Variants in NOX4 observed in about 807,000 individuals in gnomAD.
NOX4 encodes kidney oxidase-1.
Under a neutral mutation model 87.6 loss-of-function variants are expected in NOX4, and 69 were observed. The observed-to-expected ratio is 0.79, with a 90% CI of 0.65 to 0.96. The LOEUF is 0.96. NOX4 is among the 40% of genes least tolerant of loss of function. NOX4 has a pLI of 0.00. For missense variants in NOX4, 680 were observed against 681.5 expected (o/e 1.00, Z 0.02); for synonymous variants, 275 against 238.2 (o/e 1.15, Z -1.42).
rs930081349 is a variant in NOX4 at position 89,335,920 on chromosome 11, G to C, written c.1541C>G (p.Ala514Gly). Residue 514 changes from alanine to glycine, a missense_variant, in exon 17 of 18, where the codon GCA (alanine) becomes GGA (glycine). Ala to Gly is a moderately conservative substitution (Grantham distance 60). Coordinates refer to ENST00000263317, the MANE Select transcript of NOX4 (RefSeq NM_016931.5). ...TCCTATAAACAGTCTTGAATTCAGT[G>C]CATGATATTTTTCTCCAATTATCTT... ...IQKIIGEKYH[A>G]LNSRLFIGRP... 4 of 1,596,018 alleles carry C rather than the reference G, an allele frequency of 2.5e-6. No individual in the cohort carries two copies. The African/African-American group carries it at 5.4e-5, about 22-fold the overall frequency.
chr11:89,340,021 T>G, intron 15 of NOX4, 42 bp downstream of exon 15: 1 of 1,039,642 alleles, frequency 9.6e-7, no homozygotes, highest in South Asian at 1.7e-5. Flanking sequence ...ATAACATTTT[T>G]AATTTGAAAA....
At chr11:89,471,581 G>T (rs576721062) in intron 2 of NOX4, among the ~76,000 whole-genome samples, 3 of 152,178 alleles carry the variant, frequency 2.0e-5, no homozygotes, top group African/African-American at 7.2e-5. Context: ...ATATCACTAG[G>T]TTCATATCAT....
At chr11:89,457,124 C>A (rs77902488) in intron 2 of NOX4, among the ~76,000 whole-genome samples, 3,492 of 152,266 alleles carry the variant, frequency 0.023, 138 homozygotes, top group African/African-American at 0.08. Flanking sequence ...CACTAGCCAA[C>A]CTGCAGCCTT....
chr11:89,373,486 T>C lies in NOX4; in HGVS notation c.1081A>G (p.Thr361Ala), dbSNP rs528433051. 1.1e-5 allele frequency: 18 copies of C among 1,584,198 alleles called. No homozygotes were observed. Among genetic ancestry groups the C allele is most frequent in the South Asian group, 5.6e-5 (5 of 89,962 alleles). The change falls in exon 12 of 18, where the codon ACT becomes GCT. Residue 361 changes from threonine (T) to alanine (A), a missense_variant. By Grantham distance (58) the Thr-to-Ala change is moderately conservative. Coordinates refer to ENST00000263317, the MANE Select transcript of NOX4 (RefSeq NM_016931.5). ...ACCCCAAATGTTGCTTTGGTTTCAG[T>C]TGGACACTAAAAAAAAATACTAGAA... ...NHPFTLTMCPTETKATFGVHL... is the reference protein window; with the variant it reads ...NHPFTLTMCPAETKATFGVHL...
At chr11:89,365,171 A>G (rs896050720) in intron 12 of NOX4, among the ~76,000 whole-genome samples, 2 of 152,128 alleles carry the variant, frequency 1.3e-5, no homozygotes, top group African/African-American at 4.8e-5. Flanking sequence ...CTGAAGGTAG[A>G]CAATGCAGTA....
At chr11:89,578,027 T>C in the NOX4 span, among the ~76,000 whole-genome samples, 1 of 152,144 alleles carries the variant, frequency 6.6e-6, no homozygotes, top group East Asian at 1.9e-4. Context: ...CAATACCGTA[T>C]GTTTTCTTAG....
rs558612973 is a variant in NOX4 at position 89,438,499 on chromosome 11, G to C, written c.475+2189C>G. On this transcript the variant is annotated intron_variant, in intron 6 of 17. Transcript: ENST00000263317. ...TACTATATATACTATATAATATACA[G>C]CATATATATTATATACTATATATAC... Among the ~76,000 whole-genome samples, 535 of 72,376 alleles carry C rather than the reference G, an allele frequency of 7.4e-3. 29 individuals are homozygous for C. The highest frequency in any genetic ancestry group is 0.041 in the African/African-American group (498 of 12,224). 47.5% of individuals were successfully genotyped at this position (72,376 alleles called of 152,430 possible).
chr11:89,447,808 C>T (rs1055425971), intron 4 of NOX4, among the ~76,000 whole-genome samples: 1 of 152,120 alleles, frequency 6.6e-6, no homozygotes, highest in African/African-American at 2.4e-5. Flanking sequence ...ACCCTTACTA[C>T]ACCCTTGGTC....
the NOX4 span, among the ~76,000 whole-genome samples, chr11:89,558,671 T>C: frequency 6.6e-6 from 1 of 152,148 alleles, no homozygotes; most frequent in Non-Finnish European, 1.5e-5. Context: ...CTTTATCTCA[T>C]GTAGCTCCTT....
the NOX4 span, among the ~76,000 whole-genome samples, chr11:89,558,553 G>T: frequency 2.7e-4 from 41 of 152,176 alleles, no homozygotes; most frequent in Admixed American, 8.5e-4. Context: ...CACCTCTTCT[G>T]TCCCTAGATT....
At chr11:89,483,459 G>C (rs1946472594) in intron 2 of NOX4, among the ~76,000 whole-genome samples, 2 of 152,080 alleles carry the variant, frequency 1.3e-5, no homozygotes, top group Non-Finnish European at 2.9e-5. Flanking sequence ...CATGAAAGGA[G>C]ACCTGAAGGA....
chr11:89,443,219 T>C (rs1944532594), intron 5 of NOX4, among the ~76,000 whole-genome samples: 1 of 152,152 alleles, frequency 6.6e-6, no homozygotes, highest in African/African-American at 2.4e-5. Context: ...TTTTGTGATT[T>C]GTTTCTGAAT....
the NOX4 span, among the ~76,000 whole-genome samples, chr11:89,529,158 G>A: frequency 1.3e-5 from 2 of 152,008 alleles, no homozygotes; most frequent in African/African-American, 2.4e-5. Flanking sequence ...TAGATAACTG[G>A]GATTGATAGA....
the NOX4 span, among the ~76,000 whole-genome samples, chr11:89,546,317 A>T: frequency 6.6e-6 from 1 of 152,180 alleles, no homozygotes; most frequent in South Asian, 2.1e-4. Flanking sequence ...AGCTTATGAA[A>T]TTTCAGCCTC....
intron 7 of NOX4, among the ~76,000 whole-genome samples, chr11:89,425,474 A>C (rs1315378565): frequency 6.6e-6 from 1 of 151,804 alleles, no homozygotes; most frequent in Non-Finnish European, 1.5e-5. Context: ...TGGGAAAATA[A>C]TGTATAAAAA....
intron 11 of NOX4, 63 bp downstream of exon 11, chr11:89,399,954 C>CA: frequency 5.6e-6 from 7 of 1,260,094 alleles, no homozygotes; most frequent in Middle Eastern, 1.9e-4. Context: ...AGACAGGACA[C>CA]AAAAAAAGAA....
the NOX4 span, among the ~76,000 whole-genome samples, chr11:89,579,531 T>C: frequency 6.6e-6 from 1 of 151,868 alleles, no homozygotes; most frequent in Non-Finnish European, 1.5e-5. Flanking sequence ...AAAGAGTGAA[T>C]CTACCTGTAA....
At chr11:89,581,467 G>A in the NOX4 span, among the ~76,000 whole-genome samples, 8 of 152,122 alleles carry the variant, frequency 5.3e-5, no homozygotes, top group Non-Finnish European at 2.9e-5. Context: ...ATGAATAATT[G>A]AATTTCCTTT....
At chr11:89,446,670 A>C (rs1944723856) in intron 4 of NOX4, among the ~76,000 whole-genome samples, 1 of 152,186 alleles carries the variant, frequency 6.6e-6, no homozygotes, top group Non-Finnish European at 1.5e-5. Context: ...AAAAGGCAGA[A>C]TTATGGAGAC....
Sources: gnomAD v4.1 joint callset for allele counts (sites outside exome capture counted in the v4.1 genomes callset) on GRCh38, gnomAD v4.1.1 for gene constraint, MANE v1.5 for transcripts, NCBI Gene and HGNC (gene_info 2026-07-23, HGNC 2026-07-21) for gene names.